The following ITSN2 variants were observed in gnomAD, a reference collection of about 807,000 sequenced individuals.
ITSN2 encodes the protein intersectin 2.
In ITSN2, 156 loss-of-function variants were observed where a neutral mutation model predicts 243.7. The observed-to-expected ratio is 0.64, with a 90% confidence interval of 0.56 to 0.73. The LOEUF is 0.73. Among genes scored for constraint, ITSN2 ranks in the 30% least tolerant of loss-of-function variants. ITSN2 has a pLI of 0.00. For missense variants in ITSN2, 1,801 were observed against 1,996.1 expected (o/e 0.90, Z 1.86); for synonymous variants, 703 against 699.9 (o/e 1.00, Z -0.07).
intron 2 of ITSN2, among the ~76,000 whole-genome samples, chr2:24,324,664 C>T (rs1041413951): frequency 6.6e-6 from 1 of 151,624 alleles, no homozygotes; most frequent in Non-Finnish European, 1.5e-5. Flanking sequence ...GCCTGGTCAA[C>T]ATAGTGAGAC....
intron 2 of ITSN2, among the ~76,000 whole-genome samples, chr2:24,316,146 A>G (rs1314443282): frequency 1.3e-5 from 2 of 152,224 alleles, no homozygotes; most frequent in Non-Finnish European, 2.9e-5. Flanking sequence ...GAGCAGACTA[A>G]TAACTAGAGT....
intron 22 of ITSN2, among the ~76,000 whole-genome samples, chr2:24,260,508 TATA>T (rs1247447258): frequency 6.6e-6 from 1 of 151,594 alleles, no homozygotes; most frequent in Non-Finnish European, 1.5e-5. Flanking sequence ...ATCTTCTTAT[TATA>T]ATAACTACAA....
intron 22 of ITSN2, among the ~76,000 whole-genome samples, 198 bp downstream of exon 22, chr2:24,260,908 A>AAAC (rs1391583986): frequency 6.6e-6 from 1 of 151,816 alleles, no homozygotes; most frequent in Non-Finnish European, 1.5e-5. Flanking sequence ...CGTCTCAAAA[A>AAAC]AAAAAAAAAA....
At chr2:24,339,559 C>A (rs1201231370) in intron 1 of ITSN2, among the ~76,000 whole-genome samples, 3 of 151,510 alleles carry the variant, frequency 2.0e-5, no homozygotes, top group Non-Finnish European at 4.4e-5. Flanking sequence ...CAAGGAGGTA[C>A]AACAGAGGTG....
At chr2:24,255,757 T>C (rs1316363614) in intron 23 of ITSN2, among the ~76,000 whole-genome samples, 1 of 151,976 alleles carries the variant, frequency 6.6e-6, no homozygotes, top group Non-Finnish European at 1.5e-5. Flanking sequence ...TGAAACCCTG[T>C]CTCTACTAAA....
intron 1 of ITSN2, among the ~76,000 whole-genome samples, chr2:24,357,560 C>G (rs1688564820): frequency 6.6e-6 from 1 of 151,960 alleles, no homozygotes; most frequent in Non-Finnish European, 1.5e-5. Flanking sequence ...ATGTAACAAA[C>G]CTGTACGTTC....
chr2:24,260,294 G>C (rs1675645798), intron 22 of ITSN2, among the ~76,000 whole-genome samples: 1 of 151,848 alleles, frequency 6.6e-6, no homozygotes, highest in Non-Finnish European at 1.5e-5. Context: ...GGAACCTATG[G>C]CCATGGCATT....
intron 29 of ITSN2, among the ~76,000 whole-genome samples, chr2:24,227,215 A>C (rs566385523): frequency 6.6e-6 from 1 of 151,558 alleles, no homozygotes. Flanking sequence ...ACTGGCCTGG[A>C]GGGTCACACT....
Position 24,275,795 on chromosome 2 carries a change from T to C in ITSN2, c.1999A>G (p.Ile667Val). ...ATTTCCTTCAACTTGTCACGTTTGA[T>C]CTTATAAAGCTGTTCAAGGGCTAAC... Reference protein sequence around the residue: ...QQLALEQLYKIKRDKLKEIER... With the variant: ...QQLALEQLYKVKRDKLKEIER... Residue 667 changes from isoleucine to valine, a missense_variant, in exon 18 of 40, where the codon ATC becomes GTC. Around this residue, in one of 5 missense-constraint regions of ITSN2, gnomAD observed 787 missense variants for 803.9 expected, o/e 0.98. Transcript: ENST00000355123. The C allele has an allele frequency of 6.2e-7, 1 of 1,612,924 alleles. No individual in the cohort carries two copies.
intron 27 of ITSN2, among the ~76,000 whole-genome samples, chr2:24,248,220 C>G (rs2151298257): frequency 6.6e-6 from 1 of 152,088 alleles, no homozygotes; most frequent in African/African-American, 2.4e-5. Flanking sequence ...GTTTCAAAAA[C>G]CTAAGACCAC....
chr2:24,325,323 T>C (rs1312183819), intron 2 of ITSN2, among the ~76,000 whole-genome samples: 3 of 151,912 alleles, frequency 2.0e-5, no homozygotes, highest in Non-Finnish European at 4.4e-5. Context: ...GGCAGGAGGA[T>C]TGCTTGAATC....
intron 5 of ITSN2, among the ~76,000 whole-genome samples, chr2:24,311,244 C>T (rs576202015): frequency 2.0e-5 from 3 of 152,258 alleles, no homozygotes; most frequent in African/African-American, 7.2e-5. Flanking sequence ...AATTCAAGGA[C>T]GAGTTCTTAA....
intron 24 of ITSN2, among the ~76,000 whole-genome samples, chr2:24,252,911 A>AT (rs1426124051): frequency 6.6e-6 from 1 of 152,190 alleles, no homozygotes; most frequent in Non-Finnish European, 1.5e-5. Flanking sequence ...TACCAGAAAT[A>AT]GTTTAATCTG....
intron 1 of ITSN2, among the ~76,000 whole-genome samples, chr2:24,332,912 AT>A (rs1685946332): frequency 6.6e-6 from 1 of 152,214 alleles, no homozygotes; most frequent in African/African-American, 2.4e-5. Context: ...CTGAGTATTC[AT>A]TGAGAATCCA....
intron 9 of ITSN2, among the ~76,000 whole-genome samples, chr2:24,302,677 A>C (rs1180567513): frequency 6.6e-6 from 1 of 152,224 alleles, no homozygotes; most frequent in African/African-American, 2.4e-5. Flanking sequence ...AGAGGGAAGA[A>C]ACTTTGAAAC....
chr2:24,349,127 T>A (rs1687816916), intron 1 of ITSN2, among the ~76,000 whole-genome samples: 1 of 152,024 alleles, frequency 6.6e-6, no homozygotes, highest in Non-Finnish European at 1.5e-5. Context: ...ATCATCATCA[T>A]CATCATTATC....
At chr2:24,315,056 C>A in intron 3 of ITSN2, 76 bp downstream of exon 3, 1 of 602,550 alleles carries the variant, frequency 1.7e-6, no homozygotes, top group Non-Finnish European at 2.9e-6. Context: ...AATTTGATGG[C>A]AGTCAAATTA....
At chr2:24,206,382 TGGAGATGCAGGGGGCC>T in intron 37 of ITSN2, 1 of 242,776 alleles carries the variant, frequency 4.1e-6, no homozygotes. Flanking sequence ...GGAAGGAAGG[TGGAGATGCAGGGGGCC>T]GGCGGGGAGG....
intron 23 of ITSN2, among the ~76,000 whole-genome samples, chr2:24,255,714 G>T (rs1674935444): frequency 6.6e-6 from 1 of 152,118 alleles, no homozygotes; most frequent in South Asian, 2.1e-4. Flanking sequence ...ATCACCTGAG[G>T]TCAGGAGTTC....
Sources: gnomAD v4.1 joint callset for allele counts (sites outside exome capture counted in the v4.1 genomes callset) on GRCh38, gnomAD v4.1.1 for gene constraint, gnomAD v4.1.1 regional missense constraint, MANE v1.5 for transcripts, NCBI Gene and HGNC (gene_info 2026-07-23, HGNC 2026-07-21) for gene names.